The following CLEC9A variants were observed in gnomAD, a reference collection of about 807,000 sequenced individuals.
The protein encoded by CLEC9A is C-type lectin domain family 9 member A.
Under a neutral mutation model 30.0 loss-of-function variants are expected in CLEC9A, and 24 were observed. The ratio of observed to expected loss-of-function variants is 0.80; its 90% CI spans 0.58 to 1.13. The LOEUF is 1.13. CLEC9A is among the 50% of genes most tolerant of loss of function. The pLI is 0.00. For synonymous variants in CLEC9A, 111 were observed against 96.8 expected (o/e 1.15, Z -0.86); for missense variants, 251 against 280.9 (o/e 0.89, Z 0.76).
rs1865994301 is a variant in CLEC9A, at chr12:10,061,242, C to A, written c.288C>A (p.Cys96Ter). The A allele has an allele frequency of 1.2e-6, 2 of 1,611,604 alleles. No individual in the cohort carries two copies. Among genetic ancestry groups the A allele is most frequent in the African/African-American group, 2.7e-5 (2 of 74,714 alleles). Residue 96 changes from cysteine to a stop codon, truncating the protein, a stop_gained, in exon 6 of 9, where the codon TGC (cysteine) becomes TGA (stop). Coordinates refer to ENST00000355819, the MANE Select transcript of CLEC9A (RefSeq NM_207345.4). LOFTEE classifies it high-confidence loss of function. ...KRSCALQMKY[C>*]QAFMQNSLSS... Reference sequence around the variant, plus strand: ...GCTGTGCCCTTCAGATGAAATATTGCCAAGCCTTCATGCAAAACTCATTAA... The same window carrying A: ...GCTGTGCCCTTCAGATGAAATATTGACAAGCCTTCATGCAAAACTCATTAA...
At chr12:10,059,246 A>C (rs928020532) in intron 5 of CLEC9A, among the ~76,000 whole-genome samples, 2 of 152,232 alleles carry the variant, frequency 1.3e-5, no homozygotes, top group Non-Finnish European at 2.9e-5. Context: ...GAATCCAGAA[A>C]CAGACTCATA....
At chr12:10,043,981 C>G (rs1865822639) in intron 2 of CLEC9A, among the ~76,000 whole-genome samples, 2 of 152,134 alleles carry the variant, frequency 1.3e-5, no homozygotes, top group African/African-American at 4.8e-5. Flanking sequence ...GCCTGGCCCT[C>G]TCCATATATT....
At chr12:10,041,313 TG>T (rs1210169448) in intron 1 of CLEC9A, among the ~76,000 whole-genome samples, 152 bp from the exon 2 acceptor site, 3 of 152,164 alleles carry the variant, frequency 2.0e-5, no homozygotes, top group Admixed American at 6.5e-5. Context: ...TAGTAGGTAT[TG>T]TTTTTTTAAC....
At chr12:10,031,555 G>A (rs1865696069) in intron 1 of CLEC9A, among the ~76,000 whole-genome samples, 1 of 152,120 alleles carries the variant, frequency 6.6e-6, no homozygotes, top group African/African-American at 2.4e-5. Flanking sequence ...CTTCGATATT[G>A]TGTCCAGTGC....
At chr12:10,058,911 ATAAT>A (rs1404514473) in intron 5 of CLEC9A, among the ~76,000 whole-genome samples, 3 of 152,114 alleles carry the variant, frequency 2.0e-5, no homozygotes, top group Admixed American at 1.3e-4. Context: ...AAATATGAAA[ATAAT>A]TTTACAGATT....
chr12:10,031,929 G>A (rs1275290908), intron 1 of CLEC9A, among the ~76,000 whole-genome samples: 1 of 152,070 alleles, frequency 6.6e-6, no homozygotes, highest in African/African-American at 2.4e-5. Flanking sequence ...CCAAGTAGAA[G>A]GGGAAGTGAG....
Position 10,064,723 on chromosome 12 carries a change from G to GCC in CLEC9A, c.472-9_472-8insCC. On this transcript the variant is annotated splice_polypyrimidine_tract_variant and intron_variant, in intron 7 of 8. Coordinates refer to ENST00000355819, the MANE Select transcript of CLEC9A (RefSeq NM_207345.4). ...TTTCTCATTTCACAGTTCAATTTTT[G>GCC]TCTCATAGGATTTTATCACTGGCAG... 3 of 1,188,906 alleles carry GCC rather than the reference G, an allele frequency of 2.5e-6. No homozygotes were observed. Among genetic ancestry groups the GCC allele is most frequent in the Non-Finnish European group, 2.2e-6 (2 of 897,210 alleles). 73.6% of individuals were successfully genotyped at this position (1,188,906 alleles called of 1,614,324 possible). A position where few individuals can be genotyped will look rare whatever the true frequency, so the allele number is the denominator to read the frequency against.
intron 5 of CLEC9A, 174 bp from the exon 6 acceptor site, chr12:10,060,953 G>A (rs939111775): frequency 4.3e-5 from 29 of 667,836 alleles, no homozygotes; most frequent in African/African-American, 5.8e-5. Flanking sequence ...TTTGTTCCAC[G>A]TCTTTTGTAG....
chr12:10,065,294 T>C (rs144476349), intron 8 of CLEC9A, among the ~76,000 whole-genome samples: 6 of 152,320 alleles, frequency 3.9e-5, no homozygotes, highest in Non-Finnish European at 8.8e-5. Context: ...TTCTTTTTCT[T>C]TACATGCTGT....
At chr12:10,063,903 G>A (rs1196209532) in intron 7 of CLEC9A, among the ~76,000 whole-genome samples, 2 of 152,150 alleles carry the variant, frequency 1.3e-5, no homozygotes, top group Admixed American at 1.3e-4. Flanking sequence ...AGCTACGTGG[G>A]AGGCTGAGGC....
rs565394785 is a variant in CLEC9A at position 10,032,697 on chromosome 12, G to T, written c.-318+1725G>T. ...TGAGCCACCGCGCCCGGCCAATAGG[G>T]ATTTCAAGCTTGTAATTTTCTTTCT... On this transcript the variant is annotated intron_variant, in intron 1 of 8. Coordinates refer to ENST00000355819, the MANE Select transcript of CLEC9A (RefSeq NM_207345.4). 3.3e-4 allele frequency among the ~76,000 whole-genome samples: 50 copies of T among 151,982 alleles called. 1 individual carries two copies. The highest frequency in any genetic ancestry group is 1.0e-3 in the African/African-American group (42 of 41,490).
At chr12:10,043,036 T>A (rs768741046) in intron 2 of CLEC9A, among the ~76,000 whole-genome samples, 1 of 152,202 alleles carries the variant, frequency 6.6e-6, no homozygotes, top group Non-Finnish European at 1.5e-5. Flanking sequence ...ACAAGCTTTT[T>A]TAAGTTCTAA....
intron 2 of CLEC9A, among the ~76,000 whole-genome samples, chr12:10,046,249 GTGACTT>G (rs1865844872): frequency 6.6e-6 from 1 of 152,188 alleles, no homozygotes. Flanking sequence ...AACAGGCACT[GTGACTT>G]TTGCATTTAC....
At chr12:10,053,224 TG>T (rs1865911093) in intron 4 of CLEC9A, among the ~76,000 whole-genome samples, 2 of 152,226 alleles carry the variant, frequency 1.3e-5, no homozygotes, top group Non-Finnish European at 2.9e-5. Context: ...TGTTAATTCC[TG>T]TCTGCTGGTG....
intron 1 of CLEC9A, among the ~76,000 whole-genome samples, chr12:10,036,133 A>G (rs1865742530): frequency 6.6e-6 from 1 of 151,728 alleles, no homozygotes; most frequent in South Asian, 2.1e-4. Context: ...TTGTGATAGG[A>G]CTGCAGTCTG....
chr12:10,065,418 T>C (rs1337124595), intron 8 of CLEC9A, 82 bp from the exon 9 acceptor site: 4 of 1,532,520 alleles, frequency 2.6e-6, no homozygotes, highest in Admixed American at 3.7e-5. Flanking sequence ...AACAAGCAGC[T>C]ACACACCTCT....
intron 5 of CLEC9A, among the ~76,000 whole-genome samples, chr12:10,056,408 C>T (rs1324379724): frequency 6.6e-6 from 1 of 152,140 alleles, no homozygotes; most frequent in East Asian, 1.9e-4. Context: ...AGAAACACTT[C>T]TGTATGTAAA....
At chr12:10,063,952 T>A (rs776550760) in intron 7 of CLEC9A, among the ~76,000 whole-genome samples, 5 of 152,038 alleles carry the variant, frequency 3.3e-5, no homozygotes, top group Non-Finnish European at 7.4e-5. Context: ...AGGTTTGCAA[T>A]GAGCCGAGAT....
chr12:10,042,690 AG>A (rs1341015388), intron 2 of CLEC9A, among the ~76,000 whole-genome samples: 1 of 152,220 alleles, frequency 6.6e-6, no homozygotes, highest in African/African-American at 2.4e-5. Flanking sequence ...AAAGTAAACC[AG>A]GAAAGGTAGA....
Sources: gnomAD v4.1 joint callset for allele counts (sites outside exome capture counted in the v4.1 genomes callset) on GRCh38, gnomAD v4.1.1 for gene constraint, MANE v1.5 for transcripts, NCBI Gene and HGNC (gene_info 2026-07-23, HGNC 2026-07-21) for gene names.